The following LIN7A variants were observed in gnomAD, a reference collection of about 807,000 sequenced individuals.
LIN7A encodes lin-7 cell polarity scaffold A.
Under a neutral mutation model 29.8 loss-of-function variants are expected in LIN7A, and 25 were observed. That is an observed-to-expected ratio of 0.84 (90% CI 0.61 to 1.17). LIN7A has a LOEUF of 1.17. LIN7A is among the 50% of genes most tolerant of loss of function. LIN7A has a pLI of 0.00. For synonymous variants in LIN7A, 118 were observed against 107.5 expected (o/e 1.10, Z -0.60); for missense variants, 239 against 287.0 (o/e 0.83, Z 1.21).
At chr12:80,876,102 C>A (rs905538158) in intron 2 of LIN7A, among the ~76,000 whole-genome samples, 5 of 126,810 alleles carry the variant, frequency 3.9e-5, no homozygotes, top group Non-Finnish European at 9.2e-5. Flanking sequence ...AAGAGAGAGA[C>A]AGACAGAGAG....
At chr12:80,810,823 G>T (rs1030611082) in intron 5 of LIN7A, among the ~76,000 whole-genome samples, 1 of 152,110 alleles carries the variant, frequency 6.6e-6, no homozygotes, top group Admixed American at 6.6e-5. Context: ...GTTTTAATTT[G>T]CATTTCTCTG....
intron 5 of LIN7A, among the ~76,000 whole-genome samples, chr12:80,804,580 C>T (rs1032226000): frequency 3.3e-5 from 5 of 151,500 alleles, no homozygotes; most frequent in African/African-American, 4.9e-5. Flanking sequence ...GATCTGCCAT[C>T]AAGGCTGGAG....
chr12:80,848,769 A>C (rs977016590), intron 2 of LIN7A, among the ~76,000 whole-genome samples: 1 of 152,162 alleles, frequency 6.6e-6, no homozygotes, highest in Non-Finnish European at 1.5e-5. Context: ...TAGCAATAAA[A>C]GTCCATTTGG....
chr12:80,937,763 G>T lies in LIN7A; in HGVS notation c.-41C>A, dbSNP rs773292477. On this transcript the variant is annotated 5_prime_UTR_variant, in exon 1 of 6. Transcript: ENST00000552864. ...GTGAGAAAAAAAGGAGGAGATTGGG[G>T]GCGGGGGTGGAGAGGGAAGACGGAA... is the stretch of plus-strand genomic sequence containing the variant. 7.0e-6 allele frequency: 9 copies of T among 1,290,584 alleles called. No individual in the cohort carries two copies. The highest frequency in any genetic ancestry group is 9.4e-6 in the Non-Finnish European group (9 of 959,242). 79.9% of individuals were successfully genotyped at this position (1,290,584 alleles called of 1,614,324 possible). A position where few individuals can be genotyped will look rare whatever the true frequency, so the allele number is the denominator to read the frequency against.
intron 4 of LIN7A, among the ~76,000 whole-genome samples, chr12:80,829,936 T>C (rs1288451367): frequency 6.6e-6 from 1 of 152,218 alleles, no homozygotes; most frequent in Non-Finnish European, 1.5e-5. Flanking sequence ...ATCATAGTAA[T>C]CATTCCAAAA....
intron 4 of LIN7A, among the ~76,000 whole-genome samples, chr12:80,821,912 A>G (rs1035554733): frequency 1.3e-5 from 2 of 152,222 alleles, no homozygotes; most frequent in Non-Finnish European, 2.9e-5. Flanking sequence ...CAAAGTTGAT[A>G]CTAAGTGCAG....
intron 4 of LIN7A, among the ~76,000 whole-genome samples, chr12:80,816,418 A>G (rs1291719221): frequency 8.6e-5 from 13 of 151,974 alleles, no homozygotes; most frequent in Admixed American, 7.9e-4. Context: ...CTCAAAAAAA[A>G]AAAGTGTATA....
intron 1 of LIN7A, among the ~76,000 whole-genome samples, chr12:80,924,299 A>G (rs1261394189): frequency 6.6e-6 from 1 of 152,240 alleles, no homozygotes; most frequent in Non-Finnish European, 1.5e-5. Context: ...CAAAGCTTTC[A>G]TAGATGGCAA....
At chr12:80,935,533 G>A (rs1878163848) in intron 1 of LIN7A, among the ~76,000 whole-genome samples, 1 of 152,138 alleles carries the variant, frequency 6.6e-6, no homozygotes, top group South Asian at 2.1e-4. Context: ...GTAATACTGG[G>A]TTGCCTCTTT....
At chr12:80,807,073 T>TTTTTTTTTTTTTTTG (rs1871043277) in intron 5 of LIN7A, among the ~76,000 whole-genome samples, 1 of 52,626 alleles carries the variant, frequency 1.9e-5, no homozygotes, top group East Asian at 7.0e-4. Context: ...GTTTTTTTTT[T>TTTTTTTTTTTTTTTG]TTTTTTTTTT....
chr12:80,917,969 T>A (rs1877109237), intron 1 of LIN7A, among the ~76,000 whole-genome samples: 1 of 152,240 alleles, frequency 6.6e-6, no homozygotes, highest in African/African-American at 2.4e-5. Context: ...TTGAGTGCTA[T>A]CTTTCGTTTT....
At chr12:80,814,019 C>A (rs1196303016) in intron 4 of LIN7A, among the ~76,000 whole-genome samples, 2 of 151,990 alleles carry the variant, frequency 1.3e-5, no homozygotes, top group Non-Finnish European at 2.9e-5. Context: ...AGAAGGGAAA[C>A]TCAAAAAGAT....
intron 5 of LIN7A, among the ~76,000 whole-genome samples, chr12:80,809,603 C>T (rs1010289042): frequency 2.0e-5 from 3 of 152,132 alleles, no homozygotes; most frequent in African/African-American, 7.2e-5. Flanking sequence ...TCCACTGAAG[C>T]TATTTTAGCT....
chr12:80,821,609 T>C (rs977285575), intron 4 of LIN7A, among the ~76,000 whole-genome samples: 3 of 152,146 alleles, frequency 2.0e-5, no homozygotes, highest in Admixed American at 6.5e-5. Flanking sequence ...CTGCAGCCAG[T>C]CTGGAGTGGA....
chr12:80,878,794 T>G (rs1485216273), intron 2 of LIN7A, among the ~76,000 whole-genome samples: 1 of 152,110 alleles, frequency 6.6e-6, no homozygotes, highest in African/African-American at 2.4e-5. Context: ...AGAGAGCTGA[T>G]TGGTGAGTTT....
intron 2 of LIN7A, among the ~76,000 whole-genome samples, chr12:80,873,870 T>TC (rs1874550225): frequency 6.6e-6 from 1 of 151,628 alleles, no homozygotes. Flanking sequence ...TTTTTTTTTT[T>TC]CACAGTCCCT....
Position 80,792,579 on chromosome 12 carries a change from A to G in LIN7A, c.*5148T>C, listed in dbSNP as rs1870253496. The G allele has an allele frequency of 6.6e-6, 1 of 152,222 alleles. No homozygotes were observed. Among genetic ancestry groups the G allele is most frequent in the Admixed American group, 6.5e-5 (1 of 15,282 alleles). 9.4% of individuals were successfully genotyped at this position (152,222 alleles called of 1,614,324 possible). A position where few individuals can be genotyped will look rare whatever the true frequency, so the allele number is the denominator to read the frequency against. On this transcript the variant is annotated 3_prime_UTR_variant, in exon 6 of 6. Coordinates refer to ENST00000552864, the MANE Select transcript of LIN7A (RefSeq NM_004664.4). The stretch of plus-strand genomic sequence containing the variant: ...AATACCACTTTGGTCAGGTTGAACC[A>G]CTGCACAATTTTGCAGCTCTTTCAG...
At chr12:80,875,165 C>T (rs1049432774) in intron 2 of LIN7A, among the ~76,000 whole-genome samples, 1 of 152,216 alleles carries the variant, frequency 6.6e-6, no homozygotes, top group African/African-American at 2.4e-5. Flanking sequence ...TGAAAGACCA[C>T]TTAAACTTTC....
chr12:80,836,235 G>A (rs770497930), intron 4 of LIN7A, among the ~76,000 whole-genome samples: 121 of 152,282 alleles, frequency 7.9e-4, no homozygotes, highest in Middle Eastern at 3.4e-3. Context: ...TCTTTCAGCT[G>A]CTCCTACATG....
Sources: gnomAD v4.1 joint callset for allele counts (sites outside exome capture counted in the v4.1 genomes callset) on GRCh38, gnomAD v4.1.1 for gene constraint, MANE v1.5 for transcripts, NCBI Gene and HGNC (gene_info 2026-07-23, HGNC 2026-07-21) for gene names.